Variants in FOXP2 observed in about 807,000 individuals in gnomAD.
FOXP2 encodes the protein forkhead box protein P2.
FOXP2 carries 12 observed loss-of-function variants against 115.8 expected under a neutral mutation model. That is an observed-to-expected ratio of 0.10 (90% CI 0.07 to 0.17). The LOEUF is 0.17. FOXP2 is among the 10% of genes least tolerant of loss of function. The pLI is 1.00. For missense variants in FOXP2, 629 were observed against 843.5 expected (o/e 0.75, Z 3.15); for synonymous variants, 328 against 297.7 (o/e 1.10, Z -1.05).
At chr7:114,604,865 T>A (rs1803227509) in intron 3 of FOXP2, among the ~76,000 whole-genome samples, 1 of 152,180 alleles carries the variant, frequency 6.6e-6, no homozygotes, top group Non-Finnish European at 1.5e-5. Context: ...GTAAGCGTAG[T>A]GACCCAGACC....
intron 6 of FOXP2, 102 bp from the exon 7 acceptor site, chr7:114,642,308 A>T: frequency 5.7e-6 from 5 of 879,928 alleles, no homozygotes; most frequent in Non-Finnish European, 9.2e-6. Context: ...TGCAGGTAAC[A>T]TCACTGTTGT....
intron 2 of FOXP2, among the ~76,000 whole-genome samples, chr7:114,467,243 G>A (rs1190504392): frequency 6.6e-6 from 1 of 152,098 alleles, no homozygotes; most frequent in East Asian, 1.9e-4. Flanking sequence ...GAGGAGTGGT[G>A]GTGGTCTGCT....
chr7:114,333,570 T>A (rs553218303), intron 2 of FOXP2, among the ~76,000 whole-genome samples: 1 of 152,312 alleles, frequency 6.6e-6, no homozygotes, highest in Admixed American at 6.5e-5. Flanking sequence ...CTGGCTAAAA[T>A]GGTGAAACCC....
intron 3 of FOXP2, among the ~76,000 whole-genome samples, chr7:114,584,462 C>T (rs971697454): frequency 4.6e-5 from 7 of 152,174 alleles, no homozygotes; most frequent in Non-Finnish European, 8.8e-5. Context: ...CTGATCACAA[C>T]TTCCTGTATT....
chr7:114,615,205 C>A (rs1584953815), intron 3 of FOXP2, among the ~76,000 whole-genome samples: 1 of 152,270 alleles, frequency 6.6e-6, no homozygotes, highest in South Asian at 2.1e-4. Context: ...AGCAACAGAG[C>A]AAGATTCTGT....
chr7:114,540,385 A>G (rs1253682376), intron 3 of FOXP2, among the ~76,000 whole-genome samples: 1 of 152,074 alleles, frequency 6.6e-6, no homozygotes, highest in Admixed American at 6.6e-5. Context: ...ATAGAGCTCA[A>G]TAAATAAACT....
chr7:114,595,034 A>AG (rs1460218421), intron 3 of FOXP2, among the ~76,000 whole-genome samples: 1 of 152,052 alleles, frequency 6.6e-6, no homozygotes, highest in Non-Finnish European at 1.5e-5. Flanking sequence ...TATATGTGCA[A>AG]GAAGCAAGTG....
At chr7:114,165,248 C>T (rs920761492) in intron 1 of FOXP2, among the ~76,000 whole-genome samples, 7 of 152,074 alleles carry the variant, frequency 4.6e-5, no homozygotes, top group Non-Finnish European at 1.0e-4. Flanking sequence ...TCTCACCTCT[C>T]CTATTCCACA....
intron 2 of FOXP2, among the ~76,000 whole-genome samples, chr7:114,384,234 C>T (rs1465273333): frequency 1.3e-5 from 2 of 152,202 alleles, no homozygotes; most frequent in South Asian, 2.1e-4. Context: ...TGCCTTTGTG[C>T]TCAGGGGTGA....
At chr7:114,403,819 G>A (rs1792951187) in intron 2 of FOXP2, among the ~76,000 whole-genome samples, 1 of 152,140 alleles carries the variant, frequency 6.6e-6, no homozygotes, top group Non-Finnish European at 1.5e-5. Context: ...TATTTTAATA[G>A]ATATACAAGA....
chr7:114,644,488 A>G (rs1307781963), intron 7 of FOXP2, among the ~76,000 whole-genome samples, 197 bp from the exon 8 acceptor site: 2 of 152,150 alleles, frequency 1.3e-5, no homozygotes, highest in Non-Finnish European at 2.9e-5. Flanking sequence ...CTTTGGCTCT[A>G]TTTCTCCTCT....
chr7:114,631,826 C>T lies in FOXP2; in HGVS notation c.775+121C>T, dbSNP rs752743951. 1.1e-4 allele frequency: 114 copies of T among 999,380 alleles called. 1 individual carries two copies. The highest frequency in any genetic ancestry group is 2.3e-4 in the Middle Eastern group (1 of 4,356). The allele number at this position is 999,380 out of a possible 1,614,324, so 61.9% of individuals were successfully genotyped here. A position where few individuals can be genotyped will look rare whatever the true frequency, so the allele number is the denominator to read the frequency against. ...ATGACTTTCAAATTTATTATTAAAA[C>T]GTGATTGTTAACATGGTGGCATGAC... On this transcript the variant is annotated intron_variant, in intron 6 of 16. Coordinates refer to ENST00000350908, the MANE Select transcript of FOXP2 (RefSeq NM_014491.4).
intron 3 of FOXP2, chr7:114,570,793 T>A: frequency 6.2e-7 from 1 of 1,608,980 alleles, no homozygotes; most frequent in Non-Finnish European, 8.5e-7. Flanking sequence ...CCTGATTCTC[T>A]TTGTTTAACC....
chr7:114,169,845 A>G (rs1584520720), intron 1 of FOXP2, among the ~76,000 whole-genome samples: 1 of 152,176 alleles, frequency 6.6e-6, no homozygotes, highest in African/African-American at 2.4e-5. Context: ...ATGATAGTGA[A>G]TAAGCCTCAG....
At chr7:114,290,116 C>A (rs1300379971) in intron 2 of FOXP2, among the ~76,000 whole-genome samples, 3 of 151,864 alleles carry the variant, frequency 2.0e-5, no homozygotes, top group Non-Finnish European at 4.4e-5. Flanking sequence ...TGGTACATAG[C>A]TATTTTCAAA....
In FOXP2 at chr7:114,126,671, T is replaced by C. The variant is rs148067443; in HGVS notation, c.-246-36273T>C. On this transcript the variant is annotated intron_variant, in intron 1 of 19. Transcript: ENST00000635638. The stretch of plus-strand genomic sequence containing the variant: ...AGTGAAAACCCTTAAATTCAGGACT[T>C]TGCAAGCTGTATATTATTCAGTCAG... Among the ~76,000 whole-genome samples, 429 of 152,254 alleles carry C rather than the reference T, an allele frequency of 2.8e-3. 2 individuals are homozygous for C. The highest frequency in any genetic ancestry group is 9.9e-3 in the African/African-American group (410 of 41,574).
chr7:114,313,493 C>G (rs1797195924), intron 2 of FOXP2, among the ~76,000 whole-genome samples: 1 of 53,894 alleles, frequency 1.9e-5, no homozygotes, highest in South Asian at 4.4e-4. Context: ...CGCCTGTAAT[C>G]CCAGCACTTT....
chr7:114,448,577 G>A (rs760572289), intron 2 of FOXP2, among the ~76,000 whole-genome samples: 13 of 152,034 alleles, frequency 8.6e-5, no homozygotes, highest in Admixed American at 2.0e-4. Flanking sequence ...TACACCCATA[G>A]TGGTGCCGCT....
chr7:114,589,894 CT>C (rs1448193218), intron 3 of FOXP2, among the ~76,000 whole-genome samples: 1 of 151,888 alleles, frequency 6.6e-6, no homozygotes, highest in African/African-American at 2.4e-5. Flanking sequence ...CTGCTGGTGC[CT>C]TTTCTGTTTT....
Sources: gnomAD v4.1 joint callset for allele counts (sites outside exome capture counted in the v4.1 genomes callset) on GRCh38, gnomAD v4.1.1 for gene constraint, MANE v1.5 for transcripts, NCBI Gene and HGNC (gene_info 2026-07-23, HGNC 2026-07-21) for gene names.